Variants in THOC5 observed in about 807,000 individuals in gnomAD.
THOC5 encodes the protein Fms-interacting protein.
Under a neutral mutation model 92.9 loss-of-function variants are expected in THOC5, and 43 were observed. The ratio of observed to expected loss-of-function variants is 0.46; its 90% CI spans 0.36 to 0.60. The LOEUF (loss-of-function observed/expected upper bound fraction) is 0.60, where lower values mean the gene tolerates loss of function less well. THOC5 is among the 20% of genes least tolerant of loss of function. The pLI, the probability that THOC5 is intolerant of heterozygous loss-of-function variation, is 0.00. For synonymous variants in THOC5, 296 were observed against 320.1 expected, an observed-to-expected ratio of 0.92 and a Z score of 0.80; for missense variants, 659 against 849.4, an observed-to-expected ratio of 0.78 and a Z score of 2.79.
At chr22:29,544,674 G>A in intron 2 of THOC5, 71 bp from the exon 3 acceptor site, 1 of 1,391,846 alleles carries the variant, frequency 7.2e-7, no homozygotes, top group Non-Finnish European at 9.5e-7. Flanking sequence ...GGGACACTTG[G>A]CTGACATCTC....
intron 1 of THOC5, among the ~76,000 whole-genome samples, chr22:29,552,522 C>T (rs1301697326): frequency 4.0e-5 from 6 of 148,366 alleles, no homozygotes; most frequent in East Asian, 4.1e-4. Context: ...CCGCCCCGTC[C>T]GGGAGGTGGG....
At chr22:29,543,074 T>G in intron 4 of THOC5, 118 bp from the exon 5 acceptor site, 1 of 708,906 alleles carries the variant, frequency 1.4e-6, no homozygotes, top group Non-Finnish European at 2.3e-6. Flanking sequence ...CTGGGTGCAG[T>G]GGCTCACGCC....
At chr22:29,541,537 A>G (rs1179314381) in intron 5 of THOC5, among the ~76,000 whole-genome samples, 1 of 150,970 alleles carries the variant, frequency 6.6e-6, no homozygotes, top group African/African-American at 2.4e-5. Context: ...ACAAAAAACA[A>G]AACAATCAAT....
chr22:29,532,055 A>G (rs1188784921), intron 7 of THOC5, 92 bp from the exon 8 acceptor site: 1 of 1,474,586 alleles, frequency 6.8e-7, no homozygotes, highest in Non-Finnish European at 9.2e-7. Flanking sequence ...CATTATTTAT[A>G]AAAGTGATAC....
At chr22:29,524,546 G>T (rs539001295) in intron 12 of THOC5, among the ~76,000 whole-genome samples, 2 of 152,164 alleles carry the variant, frequency 1.3e-5, no homozygotes, top group Non-Finnish European at 2.9e-5. Context: ...TGTTCATGAT[G>T]AGCTCTACCA....
chr22:29,552,574 G>A (rs1042660286), intron 1 of THOC5, among the ~76,000 whole-genome samples: 3 of 150,092 alleles, frequency 2.0e-5, no homozygotes, highest in African/African-American at 7.4e-5. Flanking sequence ...CGGGGGGGAG[G>A]TGGGGGCCAG....
At chr22:29,531,372 G>A (rs1189340619) in intron 8 of THOC5, 2 of 985,312 alleles carry the variant, frequency 2.0e-6, no homozygotes, top group African/African-American at 1.7e-5. Context: ...CAAGCTTAAT[G>A]AGGACATATC....
chr22:29,518,739 C>G (rs1393746251), intron 15 of THOC5, among the ~76,000 whole-genome samples: 1 of 152,202 alleles, frequency 6.6e-6, no homozygotes, highest in Non-Finnish European at 1.5e-5. Flanking sequence ...ACTGCCCCGA[C>G]CAGTCCACAA....
chr22:29,543,962 C>T (rs1459715548), intron 3 of THOC5, among the ~76,000 whole-genome samples: 3 of 152,114 alleles, frequency 2.0e-5, no homozygotes, highest in Admixed American at 6.6e-5. Flanking sequence ...TCTAACAAAA[C>T]TTGTCAGCAT....
At chr22:29,528,950 A>G (rs2063598348) in intron 9 of THOC5, 1 of 578,426 alleles carries the variant, frequency 1.7e-6, no homozygotes, top group Non-Finnish European at 3.1e-6. Context: ...CCTCGGGGTC[A>G]GTCAGCTAGT....
At chr22:29,541,128 T>C (rs1275819230) in intron 5 of THOC5, among the ~76,000 whole-genome samples, 1 of 151,318 alleles carries the variant, frequency 6.6e-6, no homozygotes, top group African/African-American at 2.4e-5. Context: ...GAGGTTGCAA[T>C]GAGCCAAGAT....
At chr22:29,535,353 G>A (rs1263833164) in intron 7 of THOC5, 1 of 148,462 alleles carries the variant, frequency 6.7e-6, no homozygotes, top group Non-Finnish European at 1.5e-5. Flanking sequence ...TGGTATTCAA[G>A]TTTGTAAAAC....
chr22:29,542,053 T>C (rs1024800277), intron 5 of THOC5, among the ~76,000 whole-genome samples: 1 of 151,682 alleles, frequency 6.6e-6, no homozygotes, highest in African/African-American at 2.4e-5. Flanking sequence ...TACTCCTTCC[T>C]CCTTCTCATC....
At chr22:29,511,012 G>C in intron 19 of THOC5, 94 bp downstream of exon 19, 1 of 1,393,970 alleles carries the variant, frequency 7.2e-7, no homozygotes, top group South Asian at 1.3e-5. Flanking sequence ...GGAAGTTTCA[G>C]GAAGGAAGAA....
At chr22:29,509,977 A>G (rs2063193595) in intron 19 of THOC5, among the ~76,000 whole-genome samples, 1 of 152,250 alleles carries the variant, frequency 6.6e-6, no homozygotes, top group African/African-American at 2.4e-5. Flanking sequence ...TGTTCTGATT[A>G]GAAACAGATT....
At chr22:29,519,159 C>T in intron 14 of THOC5, 39 bp from the exon 15 acceptor site, 1 of 1,388,840 alleles carries the variant, frequency 7.2e-7, no homozygotes, top group Non-Finnish European at 1.0e-6. Context: ...TGTGCTCCCC[C>T]ATCCCTTCCT....
At chr22:29,522,625 C>A (rs545508679) in intron 12 of THOC5, among the ~76,000 whole-genome samples, 7 of 151,958 alleles carry the variant, frequency 4.6e-5, no homozygotes, top group African/African-American at 7.2e-5. Flanking sequence ...TATTTATAGT[C>A]ATAAAAATAT....
chr22:29,517,093 A>T lies in THOC5; in HGVS notation c.1617T>A (p.Ile539=). Residue 539 remains isoleucine, a synonymous_variant, in exon 17 of 20, where the codon ATT becomes ATA. Coordinates refer to ENST00000490103, the MANE Select transcript of THOC5 (RefSeq NM_003678.5). ...TGTCCCCAGCCAGTCCCGCATCCAC[A>T]ATGTCTTTGGTGAAGTGCAGCTCCT... ...DYMELHFTKD[I]VDAGLAGDTN... is the part of the protein sequence containing the mutation. 1.9e-6 allele frequency: 3 copies of T among 1,614,090 alleles called. No homozygotes were observed. The highest frequency in any genetic ancestry group is 2.5e-6 in the Non-Finnish European group (3 of 1,180,004).
intron 7 of THOC5, chr22:29,536,414 C>CAGG (rs1468804330): frequency 2.0e-6 from 1 of 512,176 alleles, no homozygotes; most frequent in African/African-American, 1.9e-5. Flanking sequence ...TGAAAACACC[C>CAGG]AGGTCAATGT....
Sources: allele counts gnomAD v4.1 joint callset (sites outside exome capture counted in the v4.1 genomes callset), GRCh38; gene constraint gnomAD v4.1.1; transcripts MANE v1.5; gene names NCBI Gene and HGNC (gene_info 2026-07-23, HGNC 2026-07-21).